Variants in ZNF469 observed in about 807,000 individuals in gnomAD.
ZNF469 encodes zinc finger protein 469.
In ZNF469, 1 loss-of-function variant was observed where a neutral mutation model predicts 1.0. That is an observed-to-expected ratio of 1.00 (90% confidence interval 0.35 to 4.73). ZNF469 has a LOEUF of 4.73. ZNF469 is among the 30% of genes most tolerant of loss of function. The pLI, the probability that ZNF469 is intolerant of heterozygous loss-of-function variation, is 0.16. For missense variants in ZNF469, 6,100 were observed against 5,356.3 expected (o/e 1.14, Z -4.33); for synonymous variants, 2,703 against 2,363.4 (o/e 1.14, Z -4.17).
chr16:88,404,646 G>A lies in ZNF469; in HGVS notation c.-191-20161G>A, dbSNP rs186084224. ...CCCACGGACGTGCTGCTATGCAAAT[G>A]AGTGCATGTGCTGGTGGGGGCAGGC... is the stretch of plus-strand genomic sequence containing the variant. On this transcript the variant is annotated intron_variant, in intron 1 of 2. Coordinates refer to ENST00000565624, the MANE Select transcript of ZNF469 (RefSeq NM_001367624.2). Among the ~76,000 whole-genome samples the A allele has an allele frequency of 3.2e-3, 488 of 152,302 alleles. 3 individuals carry two copies. Among genetic ancestry groups the A allele is most frequent in the African/African-American group, 0.011 (465 of 41,572 alleles).
the ZNF469 span, among the ~76,000 whole-genome samples, chr16:88,340,317 A>T: frequency 6.6e-6 from 1 of 152,186 alleles, no homozygotes; most frequent in Admixed American, 6.5e-5. Flanking sequence ...CAGGTGTCAA[A>T]GGCCAGGTGA....
intron 2 of ZNF469, among the ~76,000 whole-genome samples, chr16:88,426,586 G>T (rs369849070): frequency 2.0e-5 from 3 of 152,278 alleles, no homozygotes; most frequent in South Asian, 2.1e-4. Context: ...AGCCGGCACC[G>T]TCTGGAGGCT....
chr16:88,140,514 C>T, the ZNF469 span, among the ~76,000 whole-genome samples: 2 of 152,102 alleles, frequency 1.3e-5, no homozygotes, highest in East Asian at 1.9e-4. Context: ...GCAGGCAGAA[C>T]GTGAGAGACG....
chr16:88,192,389 G>A, the ZNF469 span: 1 of 152,174 alleles, frequency 6.6e-6, no homozygotes, highest in African/African-American at 2.4e-5. Context: ...AACTCTTTTG[G>A]GAAACGGAGA....
At chr16:88,176,825 G>C in the ZNF469 span, among the ~76,000 whole-genome samples, 1 of 152,254 alleles carries the variant, frequency 6.6e-6, no homozygotes, top group Admixed American at 6.5e-5. Context: ...GGTCAAAAGA[G>C]GCCTTGAGAG....
chr16:88,122,897 C>G, the ZNF469 span, among the ~76,000 whole-genome samples: 83,747 of 151,782 alleles, frequency 0.55, 26,602 homozygotes, highest in Non-Finnish European at 0.7. Flanking sequence ...GGCTGGAGTG[C>G]AGTGGTGCAA....
chr16:88,184,018 G>A, the ZNF469 span, among the ~76,000 whole-genome samples: 2 of 151,946 alleles, frequency 1.3e-5, no homozygotes, highest in Non-Finnish European at 1.5e-5. Flanking sequence ...AAGGAGGAAC[G>A]CAGAGGTGCC....
the ZNF469 span, among the ~76,000 whole-genome samples, chr16:88,319,226 C>T: frequency 6.6e-6 from 1 of 152,164 alleles, no homozygotes; most frequent in South Asian, 2.1e-4. Context: ...CCCTTGGCCT[C>T]ACCTCCGAGG....
At chr16:88,135,994 C>T in the ZNF469 span, among the ~76,000 whole-genome samples, 2 of 152,112 alleles carry the variant, frequency 1.3e-5, no homozygotes, top group Admixed American at 1.3e-4. Flanking sequence ...CTCCTGACCT[C>T]GTGATCCACC....
the ZNF469 span, among the ~76,000 whole-genome samples, chr16:88,251,536 GTCTTTTTTTTTTTTTTT>G: frequency 6.6e-4 from 52 of 78,806 alleles, 3 homozygotes; most frequent in South Asian, 3.0e-3. Flanking sequence ...TGTCCCTGCT[GTCTTTTTTTTTTTTTTT>G]TTTTTTTTTT....
chr16:88,328,414 C>A, the ZNF469 span, among the ~76,000 whole-genome samples: 1 of 152,166 alleles, frequency 6.6e-6, no homozygotes, highest in African/African-American at 2.4e-5. Flanking sequence ...CAGGGAGGTT[C>A]CCCAGGAAAA....
chr16:88,134,887 T>C, the ZNF469 span, among the ~76,000 whole-genome samples: 1 of 152,268 alleles, frequency 6.6e-6, no homozygotes, highest in African/African-American at 2.4e-5. Context: ...TCTTTCTATA[T>C]GGAGGATATT....
chr16:88,192,863 CGGTGGTGGTGATGATGATGAT>C, the ZNF469 span, among the ~76,000 whole-genome samples: 1 of 14,946 alleles, frequency 6.7e-5, no homozygotes, highest in Admixed American at 6.8e-4. Context: ...ATGGTGATGA[CGGTGGTGGTGATGATGATGAT>C]GGTGGTGGTG....
chr16:88,409,882 GGGCGC>G (rs1905102810), intron 1 of ZNF469, among the ~76,000 whole-genome samples: 1 of 144,934 alleles, frequency 6.9e-6, no homozygotes, highest in African/African-American at 2.7e-5. Context: ...GGGGGGGGGG[GGGCGC>G]GGGGCGTTCC....
chr16:88,334,048 GTGTC>G, the ZNF469 span, among the ~76,000 whole-genome samples: 2 of 151,418 alleles, frequency 1.3e-5, no homozygotes, highest in Admixed American at 6.6e-5. Context: ...GTGTCTCTGT[GTGTC>G]TGTGTCTGTG....
chr16:88,437,567 T>TGTGCCCCCG lies in ZNF469; in HGVS notation c.10108_10116dup (p.Cys3370_Arg3372dup), dbSNP rs752989976. ...GTGCACAGCCCGCAGCGCGTCTACC[T>TGTGCCCCCG]GTGCCCCCGGTGCCCCCGGGTCTAC... is the stretch of plus-strand genomic sequence containing the variant. On this transcript the variant is annotated inframe_insertion, in exon 3 of 3. Transcript: ENST00000565624. The TGTGCCCCCG allele has an allele frequency of 1.3e-6, 2 of 1,536,954 alleles. No individual in the cohort carries two copies. The highest frequency in any genetic ancestry group is 2.5e-5 in the East Asian group (1 of 40,420).
the ZNF469 span, among the ~76,000 whole-genome samples, chr16:88,114,301 G>C: frequency 6.9e-6 from 1 of 144,694 alleles, no homozygotes; most frequent in Admixed American, 6.8e-5. Flanking sequence ...CTCACTGCGG[G>C]GGTCTTCGGG....
At chr16:88,303,378 G>A in the ZNF469 span, among the ~76,000 whole-genome samples, 560 of 152,312 alleles carry the variant, frequency 3.7e-3, 3 homozygotes, top group African/African-American at 0.013. Context: ...CCTCGCCAGC[G>A]CTGTTCTTTC....
the ZNF469 span, among the ~76,000 whole-genome samples, chr16:88,360,458 C>T: frequency 2.6e-5 from 4 of 152,106 alleles, no homozygotes; most frequent in Non-Finnish European, 5.9e-5. Context: ...CCGCATGCTC[C>T]CCCAAAGGCA....
Sources: gnomAD v4.1 joint callset for allele counts (sites outside exome capture counted in the v4.1 genomes callset) on GRCh38, gnomAD v4.1.1 for gene constraint, MANE v1.5 for transcripts, NCBI Gene and HGNC (gene_info 2026-07-23, HGNC 2026-07-21) for gene names.